Variants in KLF12 observed in about 807,000 individuals in gnomAD.
KLF12 encodes Krueppel-like factor 12.
In KLF12, 9 loss-of-function variants were observed where a neutral mutation model predicts 37.8. The observed-to-expected ratio is 0.24, with a 90% CI of 0.14 to 0.42. The LOEUF (loss-of-function observed/expected upper bound fraction) is 0.42. KLF12 is among the 10% of genes least tolerant of loss of function. The pLI is 1.00. For missense variants in KLF12, 411 were observed against 516.0 expected (o/e 0.80, Z 1.97); for synonymous variants, 208 against 202.1 (o/e 1.03, Z -0.25).
chr13:73,866,967 G>A (rs1886206311), intron 3 of KLF12, among the ~76,000 whole-genome samples: 1 of 152,022 alleles, frequency 6.6e-6, no homozygotes, highest in South Asian at 2.1e-4. Context: ...AAACTATGGT[G>A]AGCATGAAAA....
At chr13:74,035,428 G>C (rs1269285961) in intron 1 of KLF12, among the ~76,000 whole-genome samples, 1 of 152,172 alleles carries the variant, frequency 6.6e-6, no homozygotes, top group Non-Finnish European at 1.5e-5. Context: ...CAAGAATGAT[G>C]ATTATTTTTG....
intron 2 of KLF12, among the ~76,000 whole-genome samples, chr13:73,977,236 G>C (rs1365421290): frequency 6.6e-6 from 1 of 151,676 alleles, no homozygotes; most frequent in East Asian, 1.9e-4. Flanking sequence ...GTAGAGATGG[G>C]GTTTCACCAT....
chr13:73,779,441 G>A (rs1205055150), intron 5 of KLF12, among the ~76,000 whole-genome samples: 1 of 152,182 alleles, frequency 6.6e-6, no homozygotes, highest in South Asian at 2.1e-4. Context: ...GAGCTGTCAG[G>A]TTGGTGAATA....
chr13:73,789,576 A>C (rs932486093), intron 5 of KLF12, among the ~76,000 whole-genome samples: 1 of 152,182 alleles, frequency 6.6e-6, no homozygotes, highest in African/African-American at 2.4e-5. Context: ...CCACGCAGGG[A>C]CTAATATCTT....
At chr13:73,793,854 G>A (rs914976808) in intron 5 of KLF12, among the ~76,000 whole-genome samples, 15 of 152,136 alleles carry the variant, frequency 9.9e-5, no homozygotes, top group Admixed American at 2.6e-4. Flanking sequence ...GTCACGGTGC[G>A]TCATGATAGT....
intron 1 of KLF12, among the ~76,000 whole-genome samples, chr13:74,100,274 C>A (rs1876251736): frequency 6.6e-6 from 1 of 152,158 alleles, no homozygotes; most frequent in Admixed American, 6.5e-5. Context: ...GAACCCTGAA[C>A]TGCTACACTG....
At chr13:73,851,521 AT>A (rs1269220893) in intron 3 of KLF12, among the ~76,000 whole-genome samples, 1 of 152,164 alleles carries the variant, frequency 6.6e-6, no homozygotes, top group Non-Finnish European at 1.5e-5. Flanking sequence ...GACTGGCCTG[AT>A]TTCTTAATTC....
chr13:74,028,007 C>T (rs548623586), intron 1 of KLF12, among the ~76,000 whole-genome samples: 2 of 152,288 alleles, frequency 1.3e-5, no homozygotes, highest in African/African-American at 4.8e-5. Context: ...TATCACTTAA[C>T]ATTGATTGAA....
chr13:74,060,484 T>TTTTTTG (rs767187033), intron 1 of KLF12, among the ~76,000 whole-genome samples: 2 of 108,598 alleles, frequency 1.8e-5, no homozygotes, highest in African/African-American at 7.4e-5. Context: ...TACCTAGGTT[T>TTTTTTG]TGTGTGTGTG....
chr13:74,088,754 G>A (rs1280278649), intron 1 of KLF12, among the ~76,000 whole-genome samples: 2 of 152,200 alleles, frequency 1.3e-5, no homozygotes, highest in Non-Finnish European at 2.9e-5. Flanking sequence ...TCTGAAAAGT[G>A]AGAATGGTCA....
intron 1 of KLF12, among the ~76,000 whole-genome samples, chr13:74,006,502 A>G (rs577276149): frequency 2.6e-5 from 4 of 152,320 alleles, no homozygotes; most frequent in African/African-American, 9.6e-5. Context: ...GTATCAGTGA[A>G]CAAATCAAAA....
At chr13:73,878,971 A>C (rs1886847717) in intron 3 of KLF12, among the ~76,000 whole-genome samples, 1 of 152,184 alleles carries the variant, frequency 6.6e-6, no homozygotes, top group Non-Finnish European at 1.5e-5. Context: ...CTTGAGAAGG[A>C]AAGTTTTTGA....
intron 3 of KLF12, among the ~76,000 whole-genome samples, chr13:73,902,127 G>T (rs1250043207): frequency 6.6e-6 from 1 of 152,080 alleles, no homozygotes; most frequent in African/African-American, 2.4e-5. Context: ...ATTTAAAAAG[G>T]AAAAGAACAA....
At chr13:74,174,335 C>CTT in the KLF12 span, among the ~76,000 whole-genome samples, 145 of 133,126 alleles carry the variant, frequency 1.1e-3, no homozygotes, top group Middle Eastern at 3.9e-3. Context: ...TCTTTCTTTT[C>CTT]TTTTTTTTTT....
rs199843768 is a variant in KLF12 at position 73,898,111 on chromosome 13, C to A, written c.123+45870G>T. Reference sequence around the variant, plus strand: ...TCAGGCATCTACATAGATTTCACTTCCTCTAGGAGAGATTACTTACCTCCA... The same window carrying A: ...TCAGGCATCTACATAGATTTCACTTACTCTAGGAGAGATTACTTACCTCCA... On this transcript the variant is annotated intron_variant, in intron 3 of 7. Transcript: ENST00000377669. Among the ~76,000 whole-genome samples the A allele has an allele frequency of 2.0e-5, 3 of 152,254 alleles. No individual in the cohort carries two copies. In the East Asian group the frequency reaches 5.8e-4, roughly 29 times the overall value.
intron 3 of KLF12, among the ~76,000 whole-genome samples, chr13:73,855,798 CATGGCATCTCATTGTGAT>C (rs1489972031): frequency 1.3e-5 from 2 of 150,762 alleles, no homozygotes; most frequent in Non-Finnish European, 3.0e-5. Context: ...ACTGGTATGA[CATGGCATCTCATTGTGAT>C]ATGGCATCTC....
intron 1 of KLF12, among the ~76,000 whole-genome samples, chr13:74,006,131 A>G (rs1476741991): frequency 2.0e-5 from 3 of 152,182 alleles, no homozygotes; most frequent in African/African-American, 4.8e-5. Flanking sequence ...TCAGACATGT[A>G]ATCACAACCT....
intron 1 of KLF12, among the ~76,000 whole-genome samples, chr13:74,024,922 C>T (rs1892936457): frequency 1.3e-5 from 2 of 152,226 alleles, no homozygotes; most frequent in Non-Finnish European, 2.9e-5. Flanking sequence ...TTTAACCACC[C>T]ACTGTTTTCC....
chr13:73,943,872 A>G, intron 3 of KLF12, 109 bp downstream of exon 3: 1 of 696,772 alleles, frequency 1.4e-6, no homozygotes, highest in Non-Finnish European at 2.5e-6. Flanking sequence ...GAGAGAGAAA[A>G]GCTTAAGCAA....
Sources: gnomAD v4.1 joint callset for allele counts (sites outside exome capture counted in the v4.1 genomes callset) on GRCh38, gnomAD v4.1.1 for gene constraint, MANE v1.5 for transcripts, NCBI Gene and HGNC (gene_info 2026-07-23, HGNC 2026-07-21) for gene names.